CFAP100: variants seen among roughly 807,000 people sequenced by gnomAD.
The protein encoded by CFAP100 is cilia and flagella associated protein 100.
Under a neutral mutation model 81.5 loss-of-function variants are expected in CFAP100, and 70 were observed. The ratio of observed to expected loss-of-function variants is 0.86; its 90% CI spans 0.71 to 1.05. The LOEUF (loss-of-function observed/expected upper bound fraction) is 1.05, where lower values mean the gene tolerates loss of function less well. Ranked by LOEUF, CFAP100 falls within the 50% of genes least tolerant of loss-of-function variation. The pLI is 0.00. For synonymous variants in CFAP100, 341 were observed against 314.8 expected (o/e 1.08, Z -0.88); for missense variants, 811 against 776.5 (o/e 1.04, Z -0.53).
chr3:126,405,958 T>C (rs1216907213), intron 2 of CFAP100, among the ~76,000 whole-genome samples: 1 of 152,108 alleles, frequency 6.6e-6, no homozygotes, highest in Non-Finnish European at 1.5e-5. Context: ...TCATTTCTAA[T>C]AGGGTTTTGG....
At chr3:126,418,023 T>C in intron 5 of CFAP100, 1 of 173,880 alleles carries the variant, frequency 5.8e-6, no homozygotes, top group Non-Finnish European at 1.2e-5. Flanking sequence ...AGACTCAGCC[T>C]CTGCCCAGTT....
intron 2 of CFAP100, among the ~76,000 whole-genome samples, chr3:126,405,655 G>T (rs1396294392): frequency 6.9e-6 from 1 of 145,816 alleles, no homozygotes; most frequent in Admixed American, 6.8e-5. Context: ...AGAGCAAGAT[G>T]CCATCTCAAA....
chr3:126,397,636 A>G (rs1296206192), intron 2 of CFAP100, among the ~76,000 whole-genome samples: 1 of 152,184 alleles, frequency 6.6e-6, no homozygotes, highest in Admixed American at 6.5e-5. Flanking sequence ...CAGGCCAGAC[A>G]GGCAGAGCCA....
chr3:126,424,884 G>A (rs9875507), intron 13 of CFAP100, among the ~76,000 whole-genome samples: 87,453 of 152,164 alleles, frequency 0.57, 26,166 homozygotes, highest in African/African-American at 0.75. Context: ...CAGGCTGGGC[G>A]AAGAGGGTCC....
intron 4 of CFAP100, 177 bp downstream of exon 4, chr3:126,414,356 G>A: frequency 1.4e-6 from 1 of 703,498 alleles, no homozygotes; most frequent in South Asian, 1.5e-5. Context: ...TGGCTCTCAG[G>A]ACTCACAGCA....
intron 13 of CFAP100, among the ~76,000 whole-genome samples, chr3:126,427,515 T>A (rs771789393): frequency 1.3e-5 from 2 of 152,204 alleles, no homozygotes; most frequent in Non-Finnish European, 1.5e-5. Context: ...GTATGGCTCA[T>A]CCATGTGCAG....
rs1417231953 is a variant in CFAP100 at position 126,419,056 on chromosome 3, C to T, written c.651-20C>T. On this transcript the variant is annotated intron_variant, in intron 7 of 16. Coordinates refer to ENST00000352312, the MANE Select transcript of CFAP100 (RefSeq NM_182628.3). The stretch of plus-strand genomic sequence containing the variant: ...TGGCCCCTTGCCCCCATCCCTCCTC[C>T]CCCGCCGCCCAACCCCTAGGGCTGA... 7.2e-7 allele frequency: 1 copy of T among 1,384,000 alleles called. No homozygotes were observed. Among genetic ancestry groups the T allele is most frequent in the Non-Finnish European group, 9.9e-7 (1 of 1,013,854 alleles). 85.7% of individuals were successfully genotyped at this position (1,384,000 alleles called of 1,614,324 possible).
rs2083196297 is a variant in CFAP100 at position 126,414,074 on chromosome 3, TC to T, written c.131-8del. Reference sequence around the variant, plus strand: ...TGGCTCCCCTTTCCAGAGAGGTGTCTCCCTTTCCAGAACATGGTCCTGACCC... The same window carrying T: ...TGGCTCCCCTTTCCAGAGAGGTGTCTCCTTTCCAGAACATGGTCCTGACCC... On this transcript the variant is annotated splice_polypyrimidine_tract_variant and intron_variant, in intron 3 of 16. Coordinates refer to ENST00000352312, the MANE Select transcript of CFAP100 (RefSeq NM_182628.3). 1 of 1,603,470 alleles carries T rather than the reference TC, an allele frequency of 6.2e-7. No homozygotes were observed.
chr3:126,434,532 C>A (rs565391191), intron 15 of CFAP100, 151 bp downstream of exon 15: 2 of 746,334 alleles, frequency 2.7e-6, no homozygotes, highest in South Asian at 1.9e-5. Flanking sequence ...TTGGGGGGAT[C>A]TAGAGGGGCA....
intron 13 of CFAP100, among the ~76,000 whole-genome samples, chr3:126,430,372 T>C (rs1298273237): frequency 6.6e-6 from 1 of 152,348 alleles, no homozygotes; most frequent in East Asian, 1.9e-4. Flanking sequence ...ATAATTTGAA[T>C]GTTTCTAGTA....
chr3:126,400,751 C>CA (rs142983438), intron 2 of CFAP100, among the ~76,000 whole-genome samples: 17,954 of 143,316 alleles, frequency 0.13, 1,223 homozygotes, highest in Non-Finnish European at 0.17. Context: ...GACTCCGTCT[C>CA]AAAAAAAAAA....
intron 2 of CFAP100, among the ~76,000 whole-genome samples, chr3:126,400,960 T>C (rs768687200): frequency 1.2e-4 from 19 of 152,250 alleles, no homozygotes; most frequent in Non-Finnish European, 2.4e-4. Context: ...GAGGAACAGA[T>C]ACAGAACATG....
intron 13 of CFAP100, among the ~76,000 whole-genome samples, chr3:126,431,499 C>T (rs1933224278): frequency 1.3e-5 from 2 of 152,130 alleles, no homozygotes; most frequent in Non-Finnish European, 2.9e-5. Flanking sequence ...TATTCTCTCA[C>T]TCTCTATGGC....
At chr3:126,413,993 T>C (rs2107599780) in intron 3 of CFAP100, 92 bp from the exon 4 acceptor site, 4 of 836,358 alleles carry the variant, frequency 4.8e-6, no homozygotes, top group Non-Finnish European at 8.3e-6. Flanking sequence ...TGCTTTTCCA[T>C]GCTGGGCTGG....
At chr3:126,422,236 A>C (rs539707727) in intron 11 of CFAP100, among the ~76,000 whole-genome samples, 1 of 152,222 alleles carries the variant, frequency 6.6e-6, no homozygotes, top group African/African-American at 2.4e-5. Context: ...TCAGAAAGGC[A>C]TCGTATGGGC....
At chr3:126,413,259 C>T (rs575720056) in intron 3 of CFAP100, among the ~76,000 whole-genome samples, 5 of 152,336 alleles carry the variant, frequency 3.3e-5, no homozygotes, top group South Asian at 2.1e-4. Context: ...CCCTTGTCCC[C>T]GCAGCTGTGC....
intron 14 of CFAP100, chr3:126,433,625 C>A (rs1243705091): frequency 2.0e-5 from 4 of 198,510 alleles, no homozygotes; most frequent in Non-Finnish European, 3.1e-5. Context: ...CAGCCTGGGG[C>A]CACCCCGGGC....
At chr3:126,424,341 CT>C in intron 13 of CFAP100, among the ~76,000 whole-genome samples, 1 of 152,256 alleles carries the variant, frequency 6.6e-6, no homozygotes, top group East Asian at 1.9e-4. Flanking sequence ...TAAAACACAG[CT>C]TGTCCAGCAT....
chr3:126,418,596 T>C lies in CFAP100; in HGVS notation c.487-15T>C, dbSNP rs1178493565. 6.2e-7 allele frequency: 1 copy of C among 1,611,052 alleles called. No homozygotes were observed. The highest frequency in any genetic ancestry group is 1.3e-5 in the African/African-American group (1 of 74,790). On this transcript the variant is annotated splice_polypyrimidine_tract_variant and intron_variant, in intron 6 of 16. Coordinates refer to ENST00000352312, the MANE Select transcript of CFAP100 (RefSeq NM_182628.3). ...CCCGGGCCAGGCACCATGACCCCAC[T>C]CTGCTGGCCCCCAGTATGCCCTGGA...
Sources: gnomAD v4.1 joint callset for allele counts (sites outside exome capture counted in the v4.1 genomes callset) on GRCh38, gnomAD v4.1.1 for gene constraint, MANE v1.5 for transcripts, NCBI Gene and HGNC (gene_info 2026-07-23, HGNC 2026-07-21) for gene names.